Variants in PRKD1 observed in about 807,000 individuals in gnomAD.
The protein encoded by PRKD1 is protein kinase D1.
Under a neutral mutation model 95.9 loss-of-function variants are expected in PRKD1, and 63 were observed. That is an observed-to-expected ratio of 0.66 (90% confidence interval 0.54 to 0.81). The LOEUF (loss-of-function observed/expected upper bound fraction) is 0.81. Ranked by LOEUF, PRKD1 falls within the 30% of genes least tolerant of loss-of-function variation. The pLI is 0.00. For synonymous variants in PRKD1, 425 were observed against 423.1 expected (o/e 1.00, Z -0.05); for missense variants, 1,048 against 1,165.3 (o/e 0.90, Z 1.47).
At chr14:29,879,103 C>G (rs932869302) in intron 1 of PRKD1, among the ~76,000 whole-genome samples, 7 of 152,122 alleles carry the variant, frequency 4.6e-5, no homozygotes, top group Admixed American at 1.3e-4. Flanking sequence ...GCCTGGCCTC[C>G]TAGCTCTCTT....
intron 13 of PRKD1, among the ~76,000 whole-genome samples, chr14:29,622,469 T>C (rs1251247343): frequency 6.6e-6 from 1 of 151,278 alleles, no homozygotes; most frequent in Non-Finnish European, 1.5e-5. Context: ...AATGGCACGA[T>C]CTTGGCTCAC....
chr14:29,600,920 T>TA (rs45495291), intron 13 of PRKD1, among the ~76,000 whole-genome samples: 11 of 150,550 alleles, frequency 7.3e-5, no homozygotes, highest in Middle Eastern at 3.4e-3. Context: ...ATCCTAACAT[T>TA]AAAAAAAAAT....
At chr14:29,651,662 T>C (rs997233827) in intron 4 of PRKD1, among the ~76,000 whole-genome samples, 16 of 151,644 alleles carry the variant, frequency 1.1e-4, no homozygotes, top group African/African-American at 3.6e-4. Flanking sequence ...TTTTTTTTTT[T>C]CCTGGGTAGC....
chr14:29,580,972 C>T (rs1190126276), intron 16 of PRKD1, among the ~76,000 whole-genome samples: 1 of 151,938 alleles, frequency 6.6e-6, no homozygotes, highest in Non-Finnish European at 1.5e-5. Flanking sequence ...CCTCCCCAGA[C>T]CACAGATGAC....
intron 1 of PRKD1, among the ~76,000 whole-genome samples, chr14:29,752,964 T>A (rs1887545061): frequency 6.6e-6 from 1 of 151,960 alleles, no homozygotes; most frequent in African/African-American, 2.4e-5. Context: ...GTGTGGGAGG[T>A]GTGCAGGATA....
At position 29,918,792 on chromosome 14, in the gene PRKD1, A is replaced by T. The variant is rs536884809; in HGVS notation, c.264+8457T>A. 3.9e-5 allele frequency among the ~76,000 whole-genome samples: 6 copies of T among 152,356 alleles called. 1 individual carries two copies. The South Asian group carries it at 1.2e-3, about 32-fold the overall frequency. On this transcript the variant is annotated intron_variant, in intron 1 of 17. Transcript: ENST00000331968. ...TACTGTGGATATTTACATAACTGCA[A>T]ATAAGCAATCTCTTTAATCTTTTCA...
At chr14:29,638,667 T>A (rs1261936337) in intron 5 of PRKD1, 27 bp downstream of exon 5, 2 of 1,612,570 alleles carry the variant, frequency 1.2e-6, no homozygotes, top group African/African-American at 2.7e-5. Flanking sequence ...GTGATCAAAG[T>A]TCGACAGGTG....
intron 1 of PRKD1, among the ~76,000 whole-genome samples, chr14:29,826,700 C>CACATATATATACATATATACACAT (rs377377299): frequency 7.0e-5 from 2 of 28,738 alleles, no homozygotes; most frequent in Non-Finnish European, 1.5e-4. Context: ...CATATATATA[C>CACATATATATACATATATACACAT]ATATATACAC....
At chr14:29,708,060 CTTAATAAATGCTGT>C (rs1286625783) in intron 2 of PRKD1, among the ~76,000 whole-genome samples, 3 of 152,100 alleles carry the variant, frequency 2.0e-5, no homozygotes, top group Non-Finnish European at 4.4e-5. Context: ...ACAAATGCTG[CTTAATAAATGCTGT>C]TAGTCATTCT....
At chr14:29,831,453 T>G (rs1209767983) in intron 1 of PRKD1, among the ~76,000 whole-genome samples, 3 of 151,246 alleles carry the variant, frequency 2.0e-5, no homozygotes, top group Non-Finnish European at 4.4e-5. Flanking sequence ...TGTTTGGTTT[T>G]TTTTTTTTTT....
chr14:29,909,157 G>A (rs935347696), intron 1 of PRKD1, among the ~76,000 whole-genome samples: 2 of 152,162 alleles, frequency 1.3e-5, no homozygotes, highest in Non-Finnish European at 2.9e-5. Context: ...GCTGTGGAGG[G>A]TGCGCCAGGT....
intron 1 of PRKD1, among the ~76,000 whole-genome samples, chr14:29,894,200 A>C (rs1254132752): frequency 6.6e-6 from 1 of 152,202 alleles, no homozygotes; most frequent in Non-Finnish European, 1.5e-5. Flanking sequence ...AGGAATAATG[A>C]GAGTATACAC....
chr14:29,862,087 T>G (rs1430263204), intron 1 of PRKD1, among the ~76,000 whole-genome samples: 1 of 152,202 alleles, frequency 6.6e-6, no homozygotes, highest in Non-Finnish European at 1.5e-5. Context: ...ATGGGTTCAA[T>G]TGCTTTGATT....
intron 1 of PRKD1, among the ~76,000 whole-genome samples, chr14:29,766,347 A>G (rs959715306): frequency 2.6e-5 from 4 of 152,184 alleles, no homozygotes; most frequent in African/African-American, 9.7e-5. Flanking sequence ...CAGCAAATCC[A>G]TGACACAATG....
At chr14:29,753,679 T>C (rs1461782501) in intron 1 of PRKD1, among the ~76,000 whole-genome samples, 1 of 152,170 alleles carries the variant, frequency 6.6e-6, no homozygotes, top group Non-Finnish European at 1.5e-5. Context: ...TGAGTATGCA[T>C]TTATTTTGAT....
rs544911153 is a variant in PRKD1, at chr14:29,873,317, C to A, written c.264+53932G>T. Among the ~76,000 whole-genome samples the A allele has an allele frequency of 2.6e-5, 4 of 152,252 alleles. No individual in the cohort carries two copies. The South Asian group carries it at 6.2e-4, about 24-fold the overall frequency. ...GGCCAGGCTGGTCTTGAACTCCTGA[C>A]CTCAGGTGATCTGCCTGTCTCAGCC... On this transcript the variant is annotated intron_variant, in intron 1 of 17. Transcript: ENST00000331968.
At chr14:29,667,349 T>C (rs1180687890) in intron 2 of PRKD1, among the ~76,000 whole-genome samples, 1 of 152,236 alleles carries the variant, frequency 6.6e-6, no homozygotes, top group East Asian at 1.9e-4. Context: ...AACTTAACTT[T>C]GTAAGATTTT....
At chr14:29,758,312 CA>C (rs1467358221) in intron 1 of PRKD1, among the ~76,000 whole-genome samples, 2 of 152,114 alleles carry the variant, frequency 1.3e-5, no homozygotes, top group African/African-American at 4.8e-5. Context: ...CAAACCTTAG[CA>C]ACCATACAGA....
At chr14:29,919,300 C>T (rs566404081) in intron 1 of PRKD1, among the ~76,000 whole-genome samples, 1 of 152,314 alleles carries the variant, frequency 6.6e-6, no homozygotes, top group South Asian at 2.1e-4. Flanking sequence ...ACACAGGAAA[C>T]TGTAGATTTA....
Sources: allele counts gnomAD v4.1 joint callset (sites outside exome capture counted in the v4.1 genomes callset), GRCh38; gene constraint gnomAD v4.1.1; transcripts MANE v1.5; gene names NCBI Gene and HGNC (gene_info 2026-07-23, HGNC 2026-07-21).